Variants in FBLN2 observed in about 807,000 individuals in gnomAD.
FBLN2 encodes fibulin-2.
Under a neutral mutation model 123.7 loss-of-function variants are expected in FBLN2, and 81 were observed. That is an observed-to-expected ratio of 0.65 (90% CI 0.55 to 0.79). The LOEUF is 0.79. Ranked by LOEUF, FBLN2 falls within the 30% of genes least tolerant of loss-of-function variation. The pLI is 0.00. For synonymous variants in FBLN2, 699 were observed against 701.4 expected (o/e 1.00, Z 0.05); for missense variants, 1,603 against 1,681.3 (o/e 0.95, Z 0.81).
intron 2 of FBLN2, among the ~76,000 whole-genome samples, chr3:13,601,202 T>C (rs1705021807): frequency 6.6e-6 from 1 of 152,236 alleles, no homozygotes; most frequent in Admixed American, 6.5e-5. Context: ...GGCATCCCAC[T>C]GATGTCATCT....
intron 14 of FBLN2, among the ~76,000 whole-genome samples, chr3:13,630,209 C>CT (rs1706209027): frequency 2.0e-5 from 3 of 152,226 alleles, no homozygotes. Flanking sequence ...GGCTGGGTCT[C>CT]TGTGTCATCT....
chr3:13,623,779 G>C (rs75591428), intron 9 of FBLN2, among the ~76,000 whole-genome samples: 4,295 of 152,262 alleles, frequency 0.028, 211 homozygotes, highest in African/African-American at 0.095. Flanking sequence ...TTCCTCATCT[G>C]TGAATGAGAT....
chr3:13,619,017 G>A lies in FBLN2; in HGVS notation c.2053G>A (p.Asp685Asn). Residue 685 changes from aspartate (D) to asparagine (N), a missense_variant and splice_region_variant, in exon 7 of 18, where the codon GAC becomes AAC. Asp to Asn is a conservative substitution (Grantham distance 23). Transcript: ENST00000404922. ...LPLPQPNTCK[D>N]NGPCKQVCST... ...ACTGCCGCAGCCCAATACCTGCAAA[G>A]GTAAGCAGTGTGGGTGGTGTCTCCA... 2 of 1,606,212 alleles carry A rather than the reference G, an allele frequency of 1.2e-6. No individual in the cohort carries two copies. The highest frequency in any genetic ancestry group is 1.7e-6 in the Non-Finnish European group (2 of 1,176,190).
chr3:13,552,441 C>T (rs1057409376), intron 1 of FBLN2, among the ~76,000 whole-genome samples: 2 of 152,084 alleles, frequency 1.3e-5, no homozygotes, highest in Non-Finnish European at 2.9e-5. Context: ...GGCTTCTGGT[C>T]CTTAGCAGCC....
Position 13,626,312 on chromosome 3 carries a change from C to T in FBLN2, c.2297-133C>T. 6 of 872,808 alleles carry T rather than the reference C, an allele frequency of 6.9e-6. No homozygotes were observed. The Admixed American group carries it at 1.2e-4, about 17-fold the overall frequency. 54.1% of individuals were successfully genotyped at this position (872,808 alleles called of 1,614,324 possible). On this transcript the variant is annotated intron_variant, in intron 9 of 17. Coordinates refer to ENST00000404922, the MANE Select transcript of FBLN2 (RefSeq NM_001004019.2). Reference sequence around the variant, plus strand: ...TGTTTGGGTGCCGAGACATCAGCCACATCTCCGAATGGTGAGCTCCCTGAG... The same window carrying T: ...TGTTTGGGTGCCGAGACATCAGCCATATCTCCGAATGGTGAGCTCCCTGAG...
intron 1 of FBLN2, chr3:13,568,839 G>C: frequency 4.1e-6 from 4 of 985,690 alleles, no homozygotes; most frequent in Non-Finnish European, 4.8e-6. Context: ...CCACCCCTGA[G>C]GGTGTCAGTG....
chr3:13,610,927 T>TATTATTATTATTA (rs1574981290), intron 4 of FBLN2, among the ~76,000 whole-genome samples: 2 of 150,182 alleles, frequency 1.3e-5, no homozygotes, highest in African/African-American at 5.0e-5. Flanking sequence ...TTATTATTAT[T>TATTATTATTATTA]TTGAGACAGA....
At chr3:13,569,568 T>C (rs1574948807) in intron 1 of FBLN2, among the ~76,000 whole-genome samples, 1 of 148,826 alleles carries the variant, frequency 6.7e-6, no homozygotes, top group South Asian at 2.1e-4. Context: ...GTTGGTGGGG[T>C]GTTAGGGACA....
chr3:13,617,991 C>T (rs1275758955), intron 5 of FBLN2, 85 bp from the exon 6 acceptor site: 7 of 1,203,164 alleles, frequency 5.8e-6, no homozygotes, highest in Non-Finnish European at 8.5e-6. Context: ...TTGATGAGGA[C>T]CTGCACTAGT....
chr3:13,568,890 C>T, intron 1 of FBLN2: 1 of 985,754 alleles, frequency 1.0e-6, no homozygotes, highest in Non-Finnish European at 1.2e-6. Context: ...GCTGATAAAC[C>T]CCTGGTTCCT....
At chr3:13,632,034 A>G (rs1706275759) in intron 16 of FBLN2, among the ~76,000 whole-genome samples, 1 of 152,152 alleles carries the variant, frequency 6.6e-6, no homozygotes, top group African/African-American at 2.4e-5. Context: ...CTGGGCAGTC[A>G]CCTGTGGAAT....
chr3:13,571,550 A>G lies in FBLN2; in HGVS notation c.1195A>G (p.Ile399Val). ...LSTSLPDAAW[I>V]PPTREVPRKP... ...CACATCACTGCCTGATGCAGCCTGG[A>G]TCCCACCCACCCGAGAAGTGCCCAG... Residue 399 changes from isoleucine to valine, a missense_variant, in exon 2 of 18, where the codon ATC becomes GTC. Physicochemically the swap from Ile to Val is conservative, Grantham distance 29 (BLOSUM62 3). Coordinates refer to ENST00000404922, the MANE Select transcript of FBLN2 (RefSeq NM_001004019.2). 1 of 1,613,536 alleles carries G rather than the reference A, an allele frequency of 6.2e-7. No homozygotes were observed. The highest frequency in any genetic ancestry group is 8.5e-7 in the Non-Finnish European group (1 of 1,179,804).
At chr3:13,592,018 C>CTTTTTTTTTTT (rs869103466) in intron 2 of FBLN2, among the ~76,000 whole-genome samples, 2 of 131,986 alleles carry the variant, frequency 1.5e-5, no homozygotes, top group Non-Finnish European at 1.6e-5. Flanking sequence ...CCTCTCTTTT[C>CTTTTTTTTTTT]TTTTTTTTTT....
chr3:13,636,624 T>A, intron 17 of FBLN2, 56 bp downstream of exon 17: 1 of 1,571,894 alleles, frequency 6.4e-7, no homozygotes, highest in Non-Finnish European at 8.6e-7. Context: ...TCCTGTACTA[T>A]CCAGGGAGAG....
In FBLN2 at chr3:13,577,624, C is replaced by T. The variant is rs115066832; in HGVS notation, c.1306+5963C>T. ...GTTGGTACAGGGCCCTCACAAGGAG[C>T]TCCCAAAAGGGAACACATCCTCTCT... On this transcript the variant is annotated intron_variant, in intron 2 of 17. Transcript: ENST00000404922. Among the ~76,000 whole-genome samples the T allele has an allele frequency of 7.1e-3, 1,087 of 152,310 alleles. 7 individuals carry two copies. The highest frequency in any genetic ancestry group is 0.011 in the Non-Finnish European group (717 of 68,024).
intron 1 of FBLN2, among the ~76,000 whole-genome samples, chr3:13,560,053 G>A (rs1703564631): frequency 6.6e-6 from 1 of 152,186 alleles, no homozygotes; most frequent in South Asian, 2.1e-4. Context: ...AACTTGTGGG[G>A]AAGGAAAATA....
At position 13,602,868 on chromosome 3, in the gene FBLN2, T is replaced by C. The variant is rs1352002544; in HGVS notation, c.1307-5194T>C. Among the ~76,000 whole-genome samples the C allele has an allele frequency of 2.6e-5, 4 of 151,576 alleles. No individual in the cohort carries two copies. In the East Asian group the frequency reaches 7.7e-4, roughly 29 times the overall value. On this transcript the variant is annotated intron_variant, in intron 2 of 17. Transcript: ENST00000404922. ...TAACATCTGCCAATAACGACTGTTGTTTCTTCTTTCTATTATTTCTTTGGC... is the reference window on the plus strand; with the variant it reads ...TAACATCTGCCAATAACGACTGTTGCTTCTTCTTTCTATTATTTCTTTGGC...
At chr3:13,634,625 G>A (rs981071074) in intron 16 of FBLN2, among the ~76,000 whole-genome samples, 22 of 152,268 alleles carry the variant, frequency 1.4e-4, no homozygotes, top group African/African-American at 5.1e-4. Context: ...GGGACCACCC[G>A]GTTGGGCTCT....
rs116253057 is a variant in FBLN2 at position 13,589,946 on chromosome 3, G to A, written c.1307-18116G>A. Among the ~76,000 whole-genome samples the A allele has an allele frequency of 3.1e-3, 477 of 152,138 alleles. 3 individuals carry two copies. The highest frequency in any genetic ancestry group is 0.01 in the African/African-American group (427 of 41,510). On this transcript the variant is annotated intron_variant, in intron 2 of 17. Coordinates refer to ENST00000404922, the MANE Select transcript of FBLN2 (RefSeq NM_001004019.2). ...AATCCAGATTAATATAACAGTACTC[G>A]TCTTAGAGCTTTTTATTAGAGTAAA...
Sources: gnomAD v4.1 joint callset for allele counts (sites outside exome capture counted in the v4.1 genomes callset) on GRCh38, gnomAD v4.1.1 for gene constraint, MANE v1.5 for transcripts, NCBI Gene and HGNC (gene_info 2026-07-23, HGNC 2026-07-21) for gene names.